Variants in SLC37A2 observed in about 807,000 individuals in gnomAD.
SLC37A2 encodes the protein glucose-6-phosphate exchanger SLC37A2.
Under a neutral mutation model 70.7 loss-of-function variants are expected in SLC37A2, and 59 were observed. The observed-to-expected ratio is 0.83, with a 90% confidence interval of 0.68 to 1.04. The LOEUF (loss-of-function observed/expected upper bound fraction) is 1.04. Ranked by LOEUF, SLC37A2 falls within the 50% of genes least tolerant of loss-of-function variation. SLC37A2 has a pLI of 0.00. For synonymous variants in SLC37A2, 257 were observed against 262.1 expected (o/e 0.98, Z 0.19); for missense variants, 580 against 658.1 (o/e 0.88, Z 1.30).
intron 17 of SLC37A2, chr11:125,086,501 G>A (rs1000847089): frequency 3.8e-6 from 2 of 523,104 alleles, no homozygotes; most frequent in Admixed American, 6.4e-5. Flanking sequence ...CATGCCCTCG[G>A]GGACAGAGGA....
intron 1 of SLC37A2, among the ~76,000 whole-genome samples, chr11:125,070,737 GC>G (rs1348152578): frequency 1.3e-5 from 2 of 152,124 alleles, no homozygotes; most frequent in African/African-American, 4.8e-5. Flanking sequence ...CCCTACTCCG[GC>G]CCCCCAGAAG....
chr11:125,068,631 T>G (rs35705578), intron 1 of SLC37A2, among the ~76,000 whole-genome samples: 4,679 of 152,288 alleles, frequency 0.031, 102 homozygotes, highest in Middle Eastern at 0.061. Context: ...GGGGAGATTT[T>G]GAAGAAAACT....
At chr11:125,071,561 C>T (rs753736430) in intron 1 of SLC37A2, among the ~76,000 whole-genome samples, 3 of 152,226 alleles carry the variant, frequency 2.0e-5, no homozygotes, top group South Asian at 2.1e-4. Flanking sequence ...CTGAGTTCCT[C>T]GTGGCTCCTG....
chr11:125,085,721 C>A, intron 16 of SLC37A2, 47 bp downstream of exon 16: 1 of 1,585,556 alleles, frequency 6.3e-7, no homozygotes, highest in Non-Finnish European at 8.6e-7. Flanking sequence ...ATGCTCTGTC[C>A]TGCCAGACTG....
intron 1 of SLC37A2, among the ~76,000 whole-genome samples, chr11:125,068,663 A>G (rs567218249): frequency 2.6e-4 from 40 of 152,340 alleles, no homozygotes; most frequent in African/African-American, 9.6e-4. Flanking sequence ...CACTTAACAC[A>G]TAAAAGGTTA....
chr11:125,076,652 C>T (rs1949090120), intron 1 of SLC37A2, 105 bp from the exon 2 acceptor site: 3 of 1,049,484 alleles, frequency 2.9e-6, no homozygotes, highest in East Asian at 4.9e-5. Flanking sequence ...GTTGGTGGTC[C>T]TCAGGCCCTG....
intron 1 of SLC37A2, among the ~76,000 whole-genome samples, chr11:125,065,890 GA>G (rs920241241): frequency 2.0e-5 from 3 of 152,216 alleles, no homozygotes; most frequent in Non-Finnish European, 4.4e-5. Flanking sequence ...TTCAGTTTAT[GA>G]AAGCAGAATC....
intron 1 of SLC37A2, among the ~76,000 whole-genome samples, chr11:125,074,653 A>G (rs1452264702): frequency 2.0e-5 from 3 of 152,080 alleles, no homozygotes. Context: ...TGCTGGCAGC[A>G]GGCTGTGCCT....
At chr11:125,065,189 A>G (rs1480514601) in intron 1 of SLC37A2, among the ~76,000 whole-genome samples, 1 of 152,252 alleles carries the variant, frequency 6.6e-6, no homozygotes, top group African/African-American at 2.4e-5. Context: ...TAGACAAGGC[A>G]TAGTTTTCCA....
At chr11:125,084,602 A>G (rs1362456345) in intron 12 of SLC37A2, among the ~76,000 whole-genome samples, 4 of 152,220 alleles carry the variant, frequency 2.6e-5, no homozygotes, top group Non-Finnish European at 5.9e-5. Context: ...ATTGAGGTTG[A>G]ATCTGAGAGA....
At chr11:125,070,743 C>A (rs892075458) in intron 1 of SLC37A2, among the ~76,000 whole-genome samples, 2 of 152,210 alleles carry the variant, frequency 1.3e-5, no homozygotes, top group Admixed American at 6.5e-5. Flanking sequence ...TCCGGCCCCC[C>A]AGAAGGGGCA....
intron 14 of SLC37A2, 112 bp from the exon 15 acceptor site, chr11:125,085,283 C>T (rs1373954435): frequency 8.5e-6 from 11 of 1,288,550 alleles, no homozygotes; most frequent in Non-Finnish European, 1.1e-5. Context: ...GGCCCCTCTC[C>T]TCTCAAGCCC....
At chr11:125,081,987 T>G in intron 9 of SLC37A2, 81 bp downstream of exon 9, 1 of 1,471,362 alleles carries the variant, frequency 6.8e-7, no homozygotes, top group Admixed American at 2.2e-5. Flanking sequence ...GGTGCTTGGG[T>G]GATCTATTTT....
chr11:125,083,690 TC>T lies in SLC37A2; in HGVS notation c.977-121del. 1.2e-6 allele frequency: 1 copy of T among 825,864 alleles called. No homozygotes were observed. The highest frequency in any genetic ancestry group is 2.0e-6 in the Non-Finnish European group (1 of 497,000). The allele number at this position is 825,864 out of a possible 1,614,324, so 51.2% of individuals were successfully genotyped here. On this transcript the variant is annotated intron_variant, in intron 10 of 17. Coordinates refer to ENST00000403796, the MANE Select transcript of SLC37A2 (RefSeq NM_001145290.2). The surrounding 1 kb of genome is among the most constrained non-coding windows in gnomAD (Gnocchi z 4.6). ...GGCCCTGGCCAGCCTGCTCCACAGG[TC>T]CCCAGCTCTTCCTCGGAAAAGGGGG...
chr11:125,086,247 G>A (rs542302571), intron 17 of SLC37A2: 6 of 1,611,724 alleles, frequency 3.7e-6, no homozygotes, highest in Non-Finnish European at 5.1e-6. Context: ...TTTTCCTCAA[G>A]TCCCATGACT....
At chr11:125,077,367 T>C (rs769477852) in intron 3 of SLC37A2, 44 bp downstream of exon 3, 26 of 1,590,576 alleles carry the variant, frequency 1.6e-5, no homozygotes, top group Non-Finnish European at 2.1e-5. Context: ...CATTCCCTCT[T>C]CCTCGAGAAG....
At position 125,077,500 on chromosome 11, in the gene SLC37A2, A is replaced by T. The variant is rs55752830; in HGVS notation, c.286A>T (p.Ile96Phe). Residue 96 changes from isoleucine to phenylalanine, a missense_variant, in exon 4 of 18, where the codon ATC (isoleucine) becomes TTC (phenylalanine). Transcript: ENST00000403796. Reference protein sequence around the residue: ...LLGGVDNAFLIAYAIGMFISG... With the variant: ...LLGGVDNAFLFAYAIGMFISG... ...AGGGGGCGTGGACAACGCCTTCCTC[A>T]TCGCCTATGCCATCGGCATGTTCAT... The T allele has an allele frequency of 1.4e-5, 22 of 1,613,454 alleles. No homozygotes were observed. Among genetic ancestry groups the T allele is most frequent in the Admixed American group, 1.3e-4 (8 of 59,970 alleles).
chr11:125,072,108 G>A (rs144207865), intron 1 of SLC37A2, among the ~76,000 whole-genome samples: 19 of 152,084 alleles, frequency 1.2e-4, no homozygotes, highest in Non-Finnish European at 2.4e-4. Flanking sequence ...CTGCTGGGCT[G>A]TTTCTTGTTT....
Position 125,077,529 on chromosome 11 carries a change from G to T in SLC37A2, c.314+1G>T. On this transcript the variant is annotated splice_donor_variant, in intron 4 of 17. Transcript: ENST00000403796. LOFTEE classifies it high-confidence loss of function. Reference sequence around the variant, plus strand: ...CCTATGCCATCGGCATGTTCATCAGGTAAGGACAGAGGCTGAGCCTATGAC... The same window carrying T: ...CCTATGCCATCGGCATGTTCATCAGTTAAGGACAGAGGCTGAGCCTATGAC... The T allele has an allele frequency of 6.2e-7, 1 of 1,612,784 alleles. No homozygotes were observed. The highest frequency in any genetic ancestry group is 8.5e-7 in the Non-Finnish European group (1 of 1,179,100).
Sources: gnomAD v4.1 joint callset for allele counts (sites outside exome capture counted in the v4.1 genomes callset) on GRCh38, gnomAD v4.1.1 for gene constraint, Gnocchi (gnomAD v3.1) non-coding constraint, MANE v1.5 for transcripts, NCBI Gene and HGNC (gene_info 2026-07-23, HGNC 2026-07-21) for gene names.